The following APPL2 variants were observed in gnomAD, a reference collection of about 807,000 sequenced individuals.
APPL2 encodes DCC-interacting protein 13-beta.
APPL2 carries 84 observed loss-of-function variants against 92.7 expected under a neutral mutation model. The ratio of observed to expected loss-of-function variants is 0.91; its 90% CI spans 0.76 to 1.09. The LOEUF (loss-of-function observed/expected upper bound fraction) is 1.09. Among genes scored for constraint, APPL2 ranks in the 50% least tolerant of loss-of-function variants. The pLI, the probability that APPL2 is intolerant of heterozygous loss-of-function variation, is 0.00. For missense variants in APPL2, 736 were observed against 824.5 expected, an observed-to-expected ratio of 0.89 and a Z score of 1.31; for synonymous variants, 291 against 291.0, an observed-to-expected ratio of 1.00 and a Z score of 0.00.
chr12:105,194,626 G>A (rs1052166963), intron 14 of APPL2, among the ~76,000 whole-genome samples: 17 of 152,120 alleles, frequency 1.1e-4, no homozygotes, highest in African/African-American at 2.7e-4. Context: ...GGGAAGTGGC[G>A]GTTGCAGTGA....
At chr12:105,213,580 A>C (rs1889393313) in intron 4 of APPL2, among the ~76,000 whole-genome samples, 1 of 152,214 alleles carries the variant, frequency 6.6e-6, no homozygotes, top group Admixed American at 6.5e-5. Context: ...TTTTAGGGAA[A>C]TCACCATGCG....
rs763644569 is a variant in APPL2 at position 105,174,252 on chromosome 12, G to A, written c.*62C>T. 49 of 1,580,230 alleles carry A rather than the reference G, an allele frequency of 3.1e-5. No homozygotes were observed. Among genetic ancestry groups the A allele is most frequent in the Middle Eastern group, 1.7e-4 (1 of 5,864 alleles). On this transcript the variant is annotated 3_prime_UTR_variant, in exon 21 of 21. Coordinates refer to ENST00000258530, the MANE Select transcript of APPL2 (RefSeq NM_018171.5). ...GTCAGTGTGCCTGTATGTCAGAGAC[G>A]TTAAAACCCTTAGGAGGTAGCTCTC...
chr12:105,226,182 A>C (rs936069285), intron 2 of APPL2, among the ~76,000 whole-genome samples: 7 of 152,230 alleles, frequency 4.6e-5, no homozygotes, highest in African/African-American at 1.7e-4. Flanking sequence ...CAAACAGATC[A>C]AAACAGGAAT....
chr12:105,174,251 C>G lies in APPL2; in HGVS notation c.*63G>C, dbSNP rs1198392766. On this transcript the variant is annotated 3_prime_UTR_variant, in exon 21 of 21. Coordinates refer to ENST00000258530, the MANE Select transcript of APPL2 (RefSeq NM_018171.5). Reference sequence around the variant, plus strand: ...GGTCAGTGTGCCTGTATGTCAGAGACGTTAAAACCCTTAGGAGGTAGCTCT... The same window carrying G: ...GGTCAGTGTGCCTGTATGTCAGAGAGGTTAAAACCCTTAGGAGGTAGCTCT... 5.1e-6 allele frequency: 8 copies of G among 1,576,806 alleles called. No individual in the cohort carries two copies. Among genetic ancestry groups the G allele is most frequent in the Non-Finnish European group, 6.9e-6 (8 of 1,162,630 alleles).
At chr12:105,207,881 C>T (rs540004869) in intron 7 of APPL2, 90 bp downstream of exon 7, 223 of 1,204,804 alleles carry the variant, frequency 1.9e-4, no homozygotes, top group Middle Eastern at 4.4e-4. Flanking sequence ...AAAATAACCA[C>T]GCACCCTTTC....
At chr12:105,184,800 G>GCT (rs1203761799) in intron 17 of APPL2, among the ~76,000 whole-genome samples, 1 of 152,208 alleles carries the variant, frequency 6.6e-6, no homozygotes, top group Non-Finnish European at 1.5e-5. Context: ...GAGACCTGCT[G>GCT]CTCTCTTGAG....
At chr12:105,186,675 A>ATATCGATATCAT (rs1566056470) in intron 17 of APPL2, among the ~76,000 whole-genome samples, 14 of 94,522 alleles carry the variant, frequency 1.5e-4, no homozygotes, top group South Asian at 3.6e-4. Flanking sequence ...CATATATATG[A>ATATCGATATCAT]TATATCATAT....
chr12:105,179,099 C>G (rs943911339), intron 17 of APPL2, among the ~76,000 whole-genome samples: 2 of 152,120 alleles, frequency 1.3e-5, no homozygotes, highest in African/African-American at 4.8e-5. Flanking sequence ...AACCCGTTAT[C>G]TACATTAGGT....
chr12:105,235,913 C>A, intron 1 of APPL2, 46 bp downstream of exon 1: 1 of 1,226,828 alleles, frequency 8.2e-7, no homozygotes, highest in Admixed American at 4.3e-5. Flanking sequence ...GGGGCCTCCT[C>A]GGCCTCACCC....
chr12:105,209,850 G>A (rs1282533659), intron 5 of APPL2, among the ~76,000 whole-genome samples: 2 of 152,090 alleles, frequency 1.3e-5, no homozygotes, highest in African/African-American at 2.4e-5. Flanking sequence ...TATTTATTAA[G>A]TTTTAGTGCT....
At chr12:105,186,622 T>TATATCATATATGATATCG (rs1886642782) in intron 17 of APPL2, among the ~76,000 whole-genome samples, 1 of 125,678 alleles carries the variant, frequency 8.0e-6, no homozygotes, top group African/African-American at 3.3e-5. Context: ...ATATCATATA[T>TATATCATATATGATATCG]ATATCATATA....
At chr12:105,212,394 G>A (rs1196761) in intron 4 of APPL2, among the ~76,000 whole-genome samples, 75,727 of 152,052 alleles carry the variant, frequency 0.5, 19,413 homozygotes, top group East Asian at 0.67. Context: ...TCAATACTAA[G>A]TAGTTCTCAC....
chr12:105,182,177 G>A (rs376231405), intron 17 of APPL2, among the ~76,000 whole-genome samples: 1 of 152,080 alleles, frequency 6.6e-6, no homozygotes, highest in African/African-American at 2.4e-5. Flanking sequence ...ATAGGTGCCT[G>A]CCACCACACC....
intron 8 of APPL2, among the ~76,000 whole-genome samples, chr12:105,206,400 C>A (rs146662529): frequency 6.6e-6 from 1 of 152,124 alleles, no homozygotes; most frequent in African/African-American, 2.4e-5. Context: ...GTGGGGCAAA[C>A]GCAGGATGGG....
At chr12:105,209,723 T>A (rs935713882) in intron 5 of APPL2, among the ~76,000 whole-genome samples, 1 of 152,234 alleles carries the variant, frequency 6.6e-6, no homozygotes, top group Non-Finnish European at 1.5e-5. Context: ...GAGGCAAGCA[T>A]GTTTTAGCTT....
chr12:105,232,107 A>G (rs1223827054), intron 1 of APPL2, among the ~76,000 whole-genome samples: 1 of 152,248 alleles, frequency 6.6e-6, no homozygotes, highest in East Asian at 1.9e-4. Flanking sequence ...TACATATGTT[A>G]CTTGTTCTTC....
intron 17 of APPL2, 149 bp from the exon 18 acceptor site, chr12:105,177,411 C>T (rs1357556039): frequency 1.5e-5 from 11 of 756,372 alleles, no homozygotes; most frequent in South Asian, 8.6e-5. Flanking sequence ...TGTGTGACCA[C>T]GTGTCCTGCT....
intron 10 of APPL2, among the ~76,000 whole-genome samples, chr12:105,199,053 T>G (rs1437755026): frequency 6.6e-6 from 1 of 152,054 alleles, no homozygotes; most frequent in Non-Finnish European, 1.5e-5. Context: ...GTGGGGGAAG[T>G]GGCATGAGGG....
chr12:105,198,362 G>A (rs1337514877), intron 10 of APPL2, among the ~76,000 whole-genome samples: 1 of 152,152 alleles, frequency 6.6e-6, no homozygotes, highest in Admixed American at 6.5e-5. Context: ...ATAGTCCTAG[G>A]AGGCTCTCAA....
Sources: allele counts gnomAD v4.1 joint callset (sites outside exome capture counted in the v4.1 genomes callset), GRCh38; gene constraint gnomAD v4.1.1; transcripts MANE v1.5; gene names NCBI Gene and HGNC (gene_info 2026-07-23, HGNC 2026-07-21).